Variants in SGK1 observed in about 807,000 individuals in gnomAD.
SGK1 encodes the protein serine/threonine-protein kinase Sgk1.
SGK1 carries 26 observed loss-of-function variants against 64.2 expected under a neutral mutation model. The observed-to-expected ratio is 0.40, with a 90% CI of 0.30 to 0.56. The LOEUF (loss-of-function observed/expected upper bound fraction) is 0.56. SGK1 is among the 20% of genes least tolerant of loss of function. The probability of loss-of-function intolerance (pLI) is 0.38; values close to 1 mark genes in which losing one functional copy is unlikely to be tolerated. For synonymous variants in SGK1, 265 were observed against 239.7 expected (o/e 1.11, Z -0.98); for missense variants, 519 against 645.6 (o/e 0.80, Z 2.12).
At chr6:134,313,762 G>A (rs772556670) in intron 1 of SGK1, among the ~76,000 whole-genome samples, 2 of 152,106 alleles carry the variant, frequency 1.3e-5, no homozygotes, top group Non-Finnish European at 2.9e-5. Flanking sequence ...TGTAATCATG[G>A]CTATGGAAGT....
intron 1 of SGK1, among the ~76,000 whole-genome samples, chr6:134,293,488 T>G (rs1174473900): frequency 6.6e-6 from 1 of 152,208 alleles, no homozygotes; most frequent in Non-Finnish European, 1.5e-5. Context: ...GTTTTGACAT[T>G]GTGTAGATAA....
intron 3 of SGK1, among the ~76,000 whole-genome samples, chr6:134,205,276 G>GGTT (rs1311104489): frequency 1.1e-4 from 17 of 152,110 alleles, no homozygotes; most frequent in African/African-American, 4.1e-4. Flanking sequence ...TTATTGTGGT[G>GGTT]GTATACTGCT....
At chr6:134,285,868 G>A (rs1472666405) in intron 1 of SGK1, among the ~76,000 whole-genome samples, 1 of 152,150 alleles carries the variant, frequency 6.6e-6, no homozygotes, top group Non-Finnish European at 1.5e-5. Flanking sequence ...GGAAACAAAT[G>A]TTAGGAACAA....
At chr6:134,259,167 A>G (rs907300867) in intron 2 of SGK1, among the ~76,000 whole-genome samples, 6 of 152,102 alleles carry the variant, frequency 3.9e-5, no homozygotes, top group African/African-American at 1.4e-4. Flanking sequence ...AGCTTTGTTT[A>G]TTGTTTCCTT....
chr6:134,228,897 G>A (rs1776231957), intron 2 of SGK1, among the ~76,000 whole-genome samples: 1 of 143,154 alleles, frequency 7.0e-6, no homozygotes, highest in Non-Finnish European at 1.5e-5. Flanking sequence ...AGGTGGGACT[G>A]CAGTGGCGCG....
At chr6:134,314,604 G>A (rs908539498) in intron 1 of SGK1, among the ~76,000 whole-genome samples, 2 of 152,166 alleles carry the variant, frequency 1.3e-5, no homozygotes, top group Non-Finnish European at 2.9e-5. Context: ...TACATGTAAA[G>A]CATTCCTACC....
At chr6:134,220,185 G>A (rs931089725) in intron 2 of SGK1, among the ~76,000 whole-genome samples, 2 of 151,886 alleles carry the variant, frequency 1.3e-5, no homozygotes, top group African/African-American at 4.8e-5. Context: ...CAGAGAAAAG[G>A]TAATCAATGC....
intron 2 of SGK1, among the ~76,000 whole-genome samples, chr6:134,249,142 G>T (rs1381014291): frequency 1.3e-5 from 2 of 152,138 alleles, no homozygotes; most frequent in Admixed American, 6.6e-5. Context: ...CCTTAACAAG[G>T]TCAAAGTCAG....
At chr6:134,226,797 C>T (rs960059742) in intron 2 of SGK1, among the ~76,000 whole-genome samples, 2 of 152,150 alleles carry the variant, frequency 1.3e-5, no homozygotes, top group Admixed American at 1.3e-4. Context: ...GTGATCCTCC[C>T]ACTTCAGCCT....
chr6:134,232,429 A>AG (rs1562259737), intron 2 of SGK1, among the ~76,000 whole-genome samples: 12,520 of 56,256 alleles, frequency 0.22, 1,838 homozygotes, highest in South Asian at 0.4. Flanking sequence ...GAAAGAAAGA[A>AG]AGAAAGAAAG....
chr6:134,183,853 A>ACCCCCAC (rs1193371412), intron 3 of SGK1, among the ~76,000 whole-genome samples: 6 of 55,256 alleles, frequency 1.1e-4, no homozygotes, highest in African/African-American at 2.0e-4. Context: ...TCCCCACCCC[A>ACCCCCAC]CCCCCACCCC....
At chr6:134,257,746 G>A (rs999246305) in intron 2 of SGK1, among the ~76,000 whole-genome samples, 1 of 152,154 alleles carries the variant, frequency 6.6e-6, no homozygotes, top group Admixed American at 6.5e-5. Flanking sequence ...ACAAGAATAT[G>A]GGTCACCTGA....
At chr6:134,174,993 G>A (rs1775178004) in intron 3 of SGK1, 2 of 1,220,004 alleles carry the variant, frequency 1.6e-6, no homozygotes, top group African/African-American at 1.5e-5. Flanking sequence ...CGGTTTGCTG[G>A]CGGCTACGCT....
intron 1 of SGK1, among the ~76,000 whole-genome samples, chr6:134,305,728 C>G (rs1314550804): frequency 6.6e-6 from 1 of 151,970 alleles, no homozygotes; most frequent in East Asian, 1.9e-4. Flanking sequence ...CTCACTGCAG[C>G]CTCCACCTCC....
At chr6:134,195,202 A>G (rs921314420) in intron 3 of SGK1, among the ~76,000 whole-genome samples, 3 of 152,246 alleles carry the variant, frequency 2.0e-5, no homozygotes, top group African/African-American at 4.8e-5. Context: ...AATAGTTTTA[A>G]AAGAATCCTG....
At chr6:134,261,829 T>C (rs770975326) in intron 2 of SGK1, 104 bp downstream of exon 2, 46 of 797,916 alleles carry the variant, frequency 5.8e-5, no homozygotes, top group Non-Finnish European at 9.7e-5. Flanking sequence ...TTTATAAATA[T>C]GCATTAAAAA....
intron 1 of SGK1, among the ~76,000 whole-genome samples, chr6:134,272,462 GTGT>G (rs1224313861): frequency 4.8e-5 from 7 of 146,764 alleles, no homozygotes; most frequent in Non-Finnish European, 7.5e-5. Flanking sequence ...CCTCATTCCA[GTGT>G]TGTTGTTGTT....
At position 134,317,638 on chromosome 6, in the gene SGK1, T is replaced by G. The variant is rs545649306; in HGVS notation, c.-178A>C. 4 of 611,374 alleles carry G rather than the reference T, an allele frequency of 6.5e-6. No individual in the cohort carries two copies. The highest frequency in any genetic ancestry group is 1.8e-5 in the African/African-American group (1 of 54,266). 37.9% of individuals were successfully genotyped at this position (611,374 alleles called of 1,614,324 possible). On this transcript the variant is annotated 5_prime_UTR_variant, in exon 1 of 14. Coordinates refer to ENST00000367858, the MANE Select transcript of SGK1 (RefSeq NM_001143676.3). ...TGCAGCACCAGCTACTGCAGCAACC[T>G]CTCCCCACTTTCAGTTGCCACCGAC...
chr6:134,214,033 A>G (rs1166388608), intron 2 of SGK1, among the ~76,000 whole-genome samples: 2 of 152,128 alleles, frequency 1.3e-5, no homozygotes, highest in Non-Finnish European at 2.9e-5. Flanking sequence ...TTTTGGCTGG[A>G]ATATTTTAAA....
Sources: allele counts gnomAD v4.1 joint callset (sites outside exome capture counted in the v4.1 genomes callset), GRCh38; gene constraint gnomAD v4.1.1; transcripts MANE v1.5; gene names NCBI Gene and HGNC (gene_info 2026-07-23, HGNC 2026-07-21).